Variants in NKTR observed in about 807,000 individuals in gnomAD.
NKTR encodes natural killer cell triggering receptor.
NKTR carries 67 observed loss-of-function variants against 156.3 expected under a neutral mutation model. The ratio of observed to expected loss-of-function variants is 0.43; its 90% CI spans 0.35 to 0.53. NKTR has a LOEUF of 0.53. NKTR is among the 20% of genes least tolerant of loss of function. The probability of loss-of-function intolerance (pLI) is 0.01; values close to 1 mark genes in which losing one functional copy is unlikely to be tolerated. For missense variants in NKTR, 1,604 were observed against 1,730.9 expected (o/e 0.93, Z 1.30); for synonymous variants, 640 against 596.6 (o/e 1.07, Z -1.06).
intron 2 of NKTR, among the ~76,000 whole-genome samples, chr3:42,610,478 G>T (rs1443699151): frequency 6.6e-6 from 1 of 152,104 alleles, no homozygotes; most frequent in Non-Finnish European, 1.5e-5. Flanking sequence ...ATAAAGGAAT[G>T]AATGTTGAAT....
chr3:42,634,596 C>G lies in NKTR; in HGVS notation c.930-17C>G. 7.1e-7 allele frequency: 1 copy of G among 1,410,592 alleles called. No homozygotes were observed. The highest frequency in any genetic ancestry group is 9.8e-7 in the Non-Finnish European group (1 of 1,025,160). The allele number at this position is 1,410,592 out of a possible 1,614,324, so 87.4% of individuals were successfully genotyped here. ...CTTTGCTTATTTTTAATTTTCATCA[C>G]AATCTTCTTTTCCTAGGAAGATTCC... is the stretch of plus-strand genomic sequence containing the variant. On this transcript the variant is annotated splice_polypyrimidine_tract_variant and intron_variant, in intron 10 of 16. Transcript: ENST00000232978.
intron 6 of NKTR, chr3:42,629,728 T>C (rs1379456494): frequency 1.0e-6 from 1 of 984,722 alleles, no homozygotes; most frequent in Non-Finnish European, 1.2e-6. Context: ...GCAATTCATA[T>C]AATGTGAAGA....
rs1381599982 is a variant in NKTR at position 42,638,251 on chromosome 3, T to C, written c.2547T>C (p.Ser849=). The change falls in exon 13 of 17, where the codon TCT becomes TCC. Residue 849 remains serine (S), a synonymous_variant. Coordinates refer to ENST00000232978, the MANE Select transcript of NKTR (RefSeq NM_005385.4). Reference sequence around the variant, plus strand: ...ACAGAGGTGAAGAAAAATCCAAGTCTGAACGGGAATGCCCTCATTCAAAAA... The same window carrying C: ...ACAGAGGTGAAGAAAAATCCAAGTCCGAACGGGAATGCCCTCATTCAAAAA... ...EKNRGEEKSK[S]ERECPHSKKR... The C allele has an allele frequency of 6.2e-7, 1 of 1,612,642 alleles. No individual in the cohort carries two copies. Among genetic ancestry groups the C allele is most frequent in the Non-Finnish European group, 8.5e-7 (1 of 1,179,774 alleles).
chr3:42,619,015 TCC>T lies in NKTR; in HGVS notation c.134-4_134-3del, dbSNP rs1707673489. 10 of 1,540,204 alleles carry T rather than the reference TCC, an allele frequency of 6.5e-6. No homozygotes were observed. The highest frequency in any genetic ancestry group is 2.5e-5 in the South Asian group (2 of 80,888). ...TTCATTTCTTTTTTTTTTTTTTTTT[TCC>T]AGGAGAGAAAGGCCTTGGGAAAACA... is the stretch of plus-strand genomic sequence containing the variant. On this transcript the variant is annotated splice_polypyrimidine_tract_variant and splice_region_variant and intron_variant, in intron 3 of 16. Transcript: ENST00000232978.
At position 42,642,506 on chromosome 3, in the gene NKTR, G is replaced by A. The variant is rs778632581; in HGVS notation, c.4052G>A (p.Arg1351Lys). ...TTCAATTGCTTTAATTGTAGATCAA[G>A]AAGCTACTCTAGAAGTCGGAGCAGA... ...SRSSTSSYRS[R>K]SYSRSRSRGW... The change falls in exon 14 of 17, where the codon AGA (arginine) becomes AAA (lysine). Residue 1351 changes from arginine (R) to lysine (K), a missense_variant. Physicochemically the swap from Arg to Lys is conservative, Grantham distance 26. This residue lies in a region of NKTR where 193 missense variants were observed against 220.2 expected (regional missense o/e 0.88). Coordinates refer to ENST00000232978, the MANE Select transcript of NKTR (RefSeq NM_005385.4). 8.1e-6 allele frequency: 13 copies of A among 1,611,070 alleles called. No individual in the cohort carries two copies. Among genetic ancestry groups the A allele is most frequent in the Admixed American group, 3.3e-5 (2 of 60,000 alleles).
At chr3:42,621,239 T>G (rs1003953509) in intron 5 of NKTR, 190 bp from the exon 6 acceptor site, 51 of 1,265,348 alleles carry the variant, frequency 4.0e-5, no homozygotes, top group Non-Finnish European at 5.0e-5. Context: ...AAGGCTTTAA[T>G]TAGTATCTTT....
chr3:42,627,835 G>A (rs1387952040), intron 6 of NKTR: 2 of 985,168 alleles, frequency 2.0e-6, no homozygotes, highest in African/African-American at 3.5e-5. Context: ...CTGAGCATGT[G>A]TCACCATTGC....
Position 42,646,287 on chromosome 3 carries a change from T to G in NKTR, c.*312T>G. 3.8e-6 allele frequency: 1 copy of G among 263,580 alleles called. No homozygotes were observed. Among genetic ancestry groups the G allele is most frequent in the East Asian group, 8.6e-5 (1 of 11,572 alleles). 16.3% of individuals were successfully genotyped at this position (263,580 alleles called of 1,614,324 possible). A position where few individuals can be genotyped will look rare whatever the true frequency, so the allele number is the denominator to read the frequency against. ...ATTTTAAGTCTATTTCACTCTATCTTACGTATCCCTTAGAATACAGATTCT... is the reference window on the plus strand; with the variant it reads ...ATTTTAAGTCTATTTCACTCTATCTGACGTATCCCTTAGAATACAGATTCT... On this transcript the variant is annotated 3_prime_UTR_variant, in exon 17 of 17. Transcript: ENST00000232978.
Position 42,642,573 on chromosome 3 carries a change from C to G in NKTR, c.4119C>G (p.Ser1373=). 6.2e-7 allele frequency: 1 copy of G among 1,614,094 alleles called. No individual in the cohort carries two copies. The highest frequency in any genetic ancestry group is 1.1e-5 in the South Asian group (1 of 91,082). ...GCCGAACCAGAAGCCGGAGCAGTTC[C>G]TACCGGAGTTACAAAAGTCACAGGT... The part of the protein sequence containing the change: ...SRGRTRSRSS[S]YRSYKSHRTS... The change falls in exon 14 of 17, where the codon TCC becomes TCG. Residue 1373 remains serine, a synonymous_variant. Transcript: ENST00000232978.
chr3:42,643,230 G>A (rs1168131253), intron 14 of NKTR, 109 bp from the exon 15 acceptor site: 1 of 777,988 alleles, frequency 1.3e-6, no homozygotes, highest in African/African-American at 1.8e-5. Flanking sequence ...TGTAGCTGTG[G>A]GATTTCACTG....
chr3:42,628,816 A>G (rs2125800075), intron 6 of NKTR: 1 of 373,166 alleles, frequency 2.7e-6, no homozygotes, highest in Non-Finnish European at 3.7e-6. Flanking sequence ...AGCTTGGCCA[A>G]CATGGTGAAA....
chr3:42,621,587 G>A (rs1707906458), intron 6 of NKTR, 71 bp downstream of exon 6: 1 of 1,479,524 alleles, frequency 6.8e-7, no homozygotes, highest in African/African-American at 1.4e-5. Context: ...AGATGGTATA[G>A]TTAAACCAAG....
At position 42,637,990 on chromosome 3, in the gene NKTR, T is replaced by TG; in HGVS notation, c.2289dup (p.Lys764GlufsTer4). The stretch of plus-strand genomic sequence containing the variant: ...GAGCTAAGAGGAGACTTAGATCCAG[T>TG]GGGAAAAAAAATAGCGTTTCACATA... On this transcript the variant is annotated frameshift_variant, in exon 13 of 17. Transcript: ENST00000232978. LOFTEE classifies it high-confidence loss of function. 6.2e-7 allele frequency: 1 copy of TG among 1,613,834 alleles called. No individual in the cohort carries two copies.
chr3:42,631,334 A>G lies in NKTR; in HGVS notation c.550+18A>G. On this transcript the variant is annotated intron_variant, in intron 8 of 16. Transcript: ENST00000232978. ...AAAAGATGGTAAGAACTTTTTTGAC[A>G]GTAGATGAAGCTAAGATGCAGGTAA... is the stretch of plus-strand genomic sequence containing the variant. 6.2e-7 allele frequency: 1 copy of G among 1,611,462 alleles called. No homozygotes were observed. The highest frequency in any genetic ancestry group is 8.5e-7 in the Non-Finnish European group (1 of 1,178,556).
At chr3:42,625,293 TC>T (rs1708271633) in intron 6 of NKTR, among the ~76,000 whole-genome samples, 1 of 152,252 alleles carries the variant, frequency 6.6e-6, no homozygotes, top group South Asian at 2.1e-4. Flanking sequence ...CAAGAACAGT[TC>T]CTGTCACTGG....
intron 6 of NKTR, among the ~76,000 whole-genome samples, chr3:42,624,063 C>G (rs541471780): frequency 1.2e-4 from 18 of 152,212 alleles, no homozygotes; most frequent in African/African-American, 4.3e-4. Context: ...ACTTACACAT[C>G]TAAAAACTCC....
chr3:42,617,489 T>C lies in NKTR; in HGVS notation c.59-81T>C, dbSNP rs988862457. The C allele has an allele frequency of 2.0e-5, 14 of 702,564 alleles. No individual in the cohort carries two copies. In the African/African-American group the frequency reaches 2.0e-4, roughly 10 times the overall value. 43.5% of individuals were successfully genotyped at this position (702,564 alleles called of 1,614,324 possible). ...AATTACAAAAATAGACTTTCTAATT[T>C]GTTAGCCCTGTTTCTTTCTCCCATT... is the stretch of plus-strand genomic sequence containing the variant. On this transcript the variant is annotated intron_variant, in intron 2 of 16. Coordinates refer to ENST00000232978, the MANE Select transcript of NKTR (RefSeq NM_005385.4).
intron 2 of NKTR, among the ~76,000 whole-genome samples, chr3:42,615,427 C>T (rs1393875833): frequency 6.6e-6 from 1 of 151,104 alleles, no homozygotes; most frequent in African/African-American, 2.4e-5. Flanking sequence ...TATCCCTCTC[C>T]GAATATTGGA....
At chr3:42,619,535 G>T in intron 4 of NKTR, 129 bp from the exon 5 acceptor site, 1 of 1,521,842 alleles carries the variant, frequency 6.6e-7, no homozygotes, top group South Asian at 1.3e-5. Flanking sequence ...AGGACTCTGA[G>T]AATTTTGATT....
Sources: allele counts gnomAD v4.1 joint callset (sites outside exome capture counted in the v4.1 genomes callset), GRCh38; gene constraint gnomAD v4.1.1; regional missense constraint gnomAD v4.1.1; transcripts MANE v1.5; gene names NCBI Gene and HGNC (gene_info 2026-07-23, HGNC 2026-07-21).